Variants in TIMELESS observed in about 807,000 individuals in gnomAD.
The protein encoded by TIMELESS is timeless circadian regulator.
In TIMELESS, 124 loss-of-function variants were observed where a neutral mutation model predicts 164.3. That is an observed-to-expected ratio of 0.75 (90% CI 0.65 to 0.88). The LOEUF is 0.88. Among genes scored for constraint, TIMELESS ranks in the 40% least tolerant of loss-of-function variants. The probability of loss-of-function intolerance (pLI) is 0.00; values close to 1 mark genes in which losing one functional copy is unlikely to be tolerated. For synonymous variants in TIMELESS, 564 were observed against 563.4 expected (o/e 1.00, Z -0.02); for missense variants, 1,422 against 1,491.4 (o/e 0.95, Z 0.77).
At chr12:56,443,913 T>G (rs1868313625) in intron 1 of TIMELESS, among the ~76,000 whole-genome samples, 1 of 151,682 alleles carries the variant, frequency 6.6e-6, no homozygotes, top group Non-Finnish European at 1.5e-5. Context: ...TTTTTTTTTT[T>G]TTTGAGACAG....
Position 56,438,212 on chromosome 12 carries a change from A to T in TIMELESS, c.-61-3981T>A, listed in dbSNP as rs144371762. Among the ~76,000 whole-genome samples, 5 of 152,132 alleles carry T rather than the reference A, an allele frequency of 3.3e-5. No homozygotes were observed. The East Asian group carries it at 9.7e-4, about 30-fold the overall frequency. On this transcript the variant is annotated intron_variant, in intron 1 of 28. Coordinates refer to ENST00000553532, the MANE Select transcript of TIMELESS (RefSeq NM_003920.5). ...AGGCATGCACCACAACACCCAGCTAATTTTGTATTTTTAGTAGAAACGAGG... is the reference window on the plus strand; with the variant it reads ...AGGCATGCACCACAACACCCAGCTATTTTTGTATTTTTAGTAGAAACGAGG...
intron 1 of TIMELESS, among the ~76,000 whole-genome samples, chr12:56,442,083 C>CAAA (rs34126247): frequency 0.024 from 2,239 of 94,116 alleles, 226 homozygotes; most frequent in African/African-American, 0.093. Flanking sequence ...GACTCCGTCT[C>CAAA]AAAAAAAAAA....
intron 6 of TIMELESS, among the ~76,000 whole-genome samples, chr12:56,432,733 A>G (rs1363899698): frequency 6.6e-6 from 1 of 151,972 alleles, no homozygotes; most frequent in Non-Finnish European, 1.5e-5. Flanking sequence ...TCACAAGGTC[A>G]GGAGATCGAG....
At position 56,423,287 on chromosome 12, in the gene TIMELESS, G is replaced by A; in HGVS notation, c.2279C>T (p.Ala760Val). 6.2e-7 allele frequency: 1 copy of A among 1,614,108 alleles called. No homozygotes were observed. Among genetic ancestry groups the A allele is most frequent in the Non-Finnish European group, 8.5e-7 (1 of 1,180,024 alleles). Reference sequence around the variant, plus strand: ...TTATCCCCTCACTTTGTAGGCTCCAGCAGCAGGGTCACTAAGCAGACGATT... The same window carrying A: ...TTATCCCCTCACTTTGTAGGCTCCAACAGCAGGGTCACTAAGCAGACGATT... ...LFNRLLSDPA[A>V]GAYKELVTFA... Residue 760 changes from alanine to valine, a missense_variant, in exon 18 of 29, where the codon GCT becomes GTT. Ala to Val is a moderately conservative substitution (Grantham distance 64). Coordinates refer to ENST00000553532, the MANE Select transcript of TIMELESS (RefSeq NM_003920.5).
At chr12:56,446,794 G>A (rs1868357329) in intron 1 of TIMELESS, among the ~76,000 whole-genome samples, 2 of 143,010 alleles carry the variant, frequency 1.4e-5, no homozygotes, top group African/African-American at 2.7e-5. Flanking sequence ...TGGACAATAA[G>A]AGCAAAACTC....
Position 56,420,779 on chromosome 12 carries a change from G to T in TIMELESS, c.3109+34C>A, listed in dbSNP as rs66491720. On this transcript the variant is annotated intron_variant, in intron 25 of 28. Coordinates refer to ENST00000553532, the MANE Select transcript of TIMELESS (RefSeq NM_003920.5). The stretch of plus-strand genomic sequence containing the variant: ...AGGTAGGTCTCCAATAGCCTCCAGG[G>T]CTCTTCTCCTAAAAGTGTCACCTGT... 1.9e-6 allele frequency: 3 copies of T among 1,613,594 alleles called. No individual in the cohort carries two copies. In the South Asian group the frequency reaches 3.3e-5, roughly 18 times the overall value.
chr12:56,443,149 C>CA (rs1314222163), intron 1 of TIMELESS, among the ~76,000 whole-genome samples: 1 of 152,132 alleles, frequency 6.6e-6, no homozygotes, highest in Non-Finnish European at 1.5e-5. Context: ...GTCTGACTGC[C>CA]TGGGGGGTCA....
chr12:56,429,953 G>A (rs1179995908), intron 10 of TIMELESS, 152 bp downstream of exon 10: 1 of 645,960 alleles, frequency 1.5e-6, no homozygotes. Flanking sequence ...CTATCTCTCA[G>A]GGACATCCTA....
rs144004569 is a variant in TIMELESS at position 56,447,182 on chromosome 12, GTTT to G, written c.-62+2125_-62+2127del. On this transcript the variant is annotated intron_variant, in intron 1 of 28. Coordinates refer to ENST00000553532, the MANE Select transcript of TIMELESS (RefSeq NM_003920.5). Reference sequence around the variant, plus strand: ...ATGCCACCATACCCAGCTAATTTTTGTTTTTTTTTTTTTTTTTTTTTTTTTTTA... The same window carrying G: ...ATGCCACCATACCCAGCTAATTTTTGTTTTTTTTTTTTTTTTTTTTTTTTA... Among the ~76,000 whole-genome samples, 217 of 89,278 alleles carry G rather than the reference GTTT, an allele frequency of 2.4e-3. 1 individual carries two copies. Among genetic ancestry groups the G allele is most frequent in the Admixed American group, 6.9e-3 (46 of 6,628 alleles). The allele number at this position is 89,278 out of a possible 152,430, so 58.6% of individuals were successfully genotyped here.
intron 1 of TIMELESS, among the ~76,000 whole-genome samples, chr12:56,436,047 C>A (rs1259879684): frequency 6.6e-6 from 1 of 151,878 alleles, no homozygotes; most frequent in South Asian, 2.1e-4. Flanking sequence ...CCTTTAAAAT[C>A]CATAATCACT....
chr12:56,420,072 A>C (rs10783784), intron 26 of TIMELESS, among the ~76,000 whole-genome samples: 2 of 68,666 alleles, frequency 2.9e-5, no homozygotes, highest in East Asian at 3.3e-4. Flanking sequence ...GTGTGTGTGT[A>C]TATATATATA....
At chr12:56,427,935 A>G (rs1881729177) in intron 13 of TIMELESS, among the ~76,000 whole-genome samples, 1 of 152,234 alleles carries the variant, frequency 6.6e-6, no homozygotes, top group South Asian at 2.1e-4. Flanking sequence ...AGAAAATGCT[A>G]TAGCATAATT....
chr12:56,431,569 G>T lies in TIMELESS; in HGVS notation c.723C>A (p.Arg241=). ...PEQLAGVGQG[R]LAQERSADFA... ...AATCTGCACTCCGCTCCTGAGCTAA[G>T]CGTCCCTGCCCTACTCCCGCCAGCT... The change falls in exon 8 of 29, where the codon CGC becomes CGA. Residue 241 remains arginine (R), a synonymous_variant. Coordinates refer to ENST00000553532, the MANE Select transcript of TIMELESS (RefSeq NM_003920.5). The T allele has an allele frequency of 6.2e-7, 1 of 1,613,736 alleles. No homozygotes were observed. The highest frequency in any genetic ancestry group is 8.5e-7 in the Non-Finnish European group (1 of 1,179,914).
At chr12:56,436,534 G>A (rs1882075904) in intron 1 of TIMELESS, among the ~76,000 whole-genome samples, 1 of 152,192 alleles carries the variant, frequency 6.6e-6, no homozygotes, top group Non-Finnish European at 1.5e-5. Flanking sequence ...AGTTAGTTAA[G>A]GAAGTCTGCT....
intron 1 of TIMELESS, among the ~76,000 whole-genome samples, chr12:56,449,082 G>A (rs1349323562): frequency 6.6e-6 from 1 of 152,250 alleles, no homozygotes; most frequent in Non-Finnish European, 1.5e-5. Flanking sequence ...CCCAAGCTGT[G>A]CGGAGCAGCG....
At chr12:56,433,275 TACC>T in intron 5 of TIMELESS, 103 bp downstream of exon 5, 2 of 1,423,508 alleles carry the variant, frequency 1.4e-6, no homozygotes, top group Non-Finnish European at 9.9e-7. Context: ...TGGATCGGAC[TACC>T]ACATCCCCAA....
At position 56,421,897 on chromosome 12, in the gene TIMELESS, A is replaced by G. The variant is rs1881504479; in HGVS notation, c.2642+2T>C. ...TAGCCTCCAGAGCATGTGCCTCTCT[A>G]CCTTTGGAAGTCCTTGACACTGTCA... On this transcript the variant is annotated splice_donor_variant, in intron 21 of 28. Transcript: ENST00000553532. LOFTEE classifies it high-confidence loss of function. 6.2e-7 allele frequency: 1 copy of G among 1,613,982 alleles called. No individual in the cohort carries two copies. Among genetic ancestry groups the G allele is most frequent in the South Asian group, 1.1e-5 (1 of 91,078 alleles).
At position 56,430,162 on chromosome 12, in the gene TIMELESS, T is replaced by G; in HGVS notation, c.1029A>C (p.Arg343Ser). The G allele has an allele frequency of 6.2e-7, 1 of 1,614,070 alleles. No individual in the cohort carries two copies. ...TCTCCAGGAACTCAGAGCAGAAGTC[T>G]CTGAGGAAGAGCCTCACATTGAGGG... ...RSALNVRLFL[R>S]DFCSEFLENC... The change falls in exon 10 of 29, where the codon AGA (arginine) becomes AGC (serine). Residue 343 changes from arginine (R) to serine (S), a missense_variant. Coordinates refer to ENST00000553532, the MANE Select transcript of TIMELESS (RefSeq NM_003920.5).
At position 56,417,674 on chromosome 12, in the gene TIMELESS, T is replaced by A. The variant is rs764198562; in HGVS notation, c.*42A>T. 3.7e-6 allele frequency: 6 copies of A among 1,603,022 alleles called. No homozygotes were observed. The East Asian group carries it at 6.7e-5, about 18-fold the overall frequency. On this transcript the variant is annotated 3_prime_UTR_variant, in exon 29 of 29. Transcript: ENST00000553532. ...TTCCAACTCTGACTTGAATGCACCA[T>A]CTAAAAACGTGTCTATCTCTACCCC...
Sources: allele counts gnomAD v4.1 joint callset (sites outside exome capture counted in the v4.1 genomes callset), GRCh38; gene constraint gnomAD v4.1.1; transcripts MANE v1.5; gene names NCBI Gene and HGNC (gene_info 2026-07-23, HGNC 2026-07-21).